The following PDE1C variants were observed in gnomAD, a reference collection of about 807,000 sequenced individuals.
PDE1C encodes phosphodiesterase 1C, also known as dual specificity calcium/calmodulin-dependent 3',5'-cyclic nucleotide phosphodiesterase 1C.
PDE1C carries 62 observed loss-of-function variants against 93.1 expected under a neutral mutation model. That is an observed-to-expected ratio of 0.67 (90% confidence interval 0.54 to 0.82). The LOEUF (loss-of-function observed/expected upper bound fraction) is 0.82. Ranked by LOEUF, PDE1C falls within the 40% of genes least tolerant of loss-of-function variation. The pLI is 0.00. For synonymous variants in PDE1C, 325 were observed against 310.1 expected (o/e 1.05, Z -0.50); for missense variants, 742 against 884.6 (o/e 0.84, Z 2.04).
At chr7:32,416,809 C>A (rs1562714758) in intron 1 of PDE1C, among the ~76,000 whole-genome samples, 1 of 152,122 alleles carries the variant, frequency 6.6e-6, no homozygotes, top group Non-Finnish European at 1.5e-5. Flanking sequence ...TTAAAACACA[C>A]TTCTCTAAAT....
the PDE1C span, among the ~76,000 whole-genome samples, chr7:31,732,836 A>T: frequency 6.6e-6 from 1 of 152,168 alleles, no homozygotes; most frequent in African/African-American, 2.4e-5. Context: ...ATTTCTTGAC[A>T]GTTGTCCTTG....
At chr7:31,635,715 G>A in the PDE1C span, among the ~76,000 whole-genome samples, 13 of 152,076 alleles carry the variant, frequency 8.5e-5, no homozygotes, top group Non-Finnish European at 1.9e-4. Context: ...ATGAAGAAAA[G>A]AGGTTTAAAT....
chr7:31,870,691 T>C (rs1795838825), intron 6 of PDE1C, among the ~76,000 whole-genome samples: 1 of 151,936 alleles, frequency 6.6e-6, no homozygotes, highest in Admixed American at 6.6e-5. Flanking sequence ...AGGACTAACA[T>C]CAGTTCTCCT....
At chr7:32,015,833 A>G (rs1168840091) in intron 2 of PDE1C, among the ~76,000 whole-genome samples, 1 of 152,208 alleles carries the variant, frequency 6.6e-6, no homozygotes, top group African/African-American at 2.4e-5. Context: ...AAGAAAGATT[A>G]TAATAATCAT....
chr7:31,873,345 T>C lies in PDE1C; in HGVS notation c.556A>G (p.Lys186Glu). Reference protein sequence around the residue: ...LNEASGDHALKFIFYELLTRY... With the variant: ...LNEASGDHALEFIFYELLTRY... The stretch of plus-strand genomic sequence containing the variant: ...GTGAGTAGTTCATAGAAAATAAATT[T>C]CAGTGCATGATCCCCACTGGCCTCA... The change falls in exon 6 of 18, where the codon AAA becomes GAA. Residue 186 changes from lysine (K) to glutamate (E), a missense_variant. This residue lies in a region of PDE1C where 205 missense variants were observed against 295.3 expected (regional missense o/e 0.69). Transcript: ENST00000396191. 6.2e-7 allele frequency: 1 copy of C among 1,613,942 alleles called. No individual in the cohort carries two copies. Among genetic ancestry groups the C allele is most frequent in the Non-Finnish European group, 8.5e-7 (1 of 1,179,840 alleles).
At chr7:32,425,505 A>T (rs1785509126) in intron 1 of PDE1C, among the ~76,000 whole-genome samples, 1 of 151,974 alleles carries the variant, frequency 6.6e-6, no homozygotes, top group Non-Finnish European at 1.5e-5. Flanking sequence ...GATTGAAAAA[A>T]ATTCTTGTAT....
intron 1 of PDE1C, among the ~76,000 whole-genome samples, chr7:32,323,438 C>T (rs1350130926): frequency 6.6e-6 from 1 of 152,096 alleles, no homozygotes; most frequent in African/African-American, 2.4e-5. Flanking sequence ...GAAGTTCTTG[C>T]AGTGTGAATC....
intron 2 of PDE1C, among the ~76,000 whole-genome samples, chr7:32,035,780 CT>C (rs1172175132): frequency 6.6e-6 from 1 of 152,156 alleles, no homozygotes; most frequent in African/African-American, 2.4e-5. Context: ...TGAATCATCT[CT>C]GTCCAAGTGT....
At chr7:31,705,639 T>C in the PDE1C span, among the ~76,000 whole-genome samples, 1 of 152,222 alleles carries the variant, frequency 6.6e-6, no homozygotes, top group African/African-American at 2.4e-5. Flanking sequence ...TTTTCATTAA[T>C]TTACTGCTGT....
chr7:32,034,435 T>G (rs1378144956), intron 2 of PDE1C, among the ~76,000 whole-genome samples: 1 of 152,150 alleles, frequency 6.6e-6, no homozygotes, highest in Non-Finnish European at 1.5e-5. Flanking sequence ...GATGCCAATC[T>G]GGTGGATGGA....
the PDE1C span, among the ~76,000 whole-genome samples, chr7:31,685,909 C>T: frequency 4.6e-5 from 7 of 152,098 alleles, no homozygotes; most frequent in Non-Finnish European, 8.8e-5. Context: ...CCATTCTCTG[C>T]TTATCTGTTA....
At chr7:32,392,985 G>T (rs2059077872) in intron 1 of PDE1C, among the ~76,000 whole-genome samples, 2 of 132,344 alleles carry the variant, frequency 1.5e-5, no homozygotes, top group South Asian at 2.5e-4. Context: ...GGAGGCAGAG[G>T]TTGCAGAGAG....
At chr7:31,849,564 G>A (rs577759347) in intron 8 of PDE1C, among the ~76,000 whole-genome samples, 2 of 152,232 alleles carry the variant, frequency 1.3e-5, no homozygotes, top group East Asian at 3.9e-4. Flanking sequence ...CTTCTTTTGT[G>A]TATACTGTAA....
chr7:31,974,697 A>C (rs1201157963), intron 2 of PDE1C, among the ~76,000 whole-genome samples: 1 of 152,174 alleles, frequency 6.6e-6, no homozygotes, highest in Non-Finnish European at 1.5e-5. Flanking sequence ...CCTCACTCCT[A>C]GGGTTCTTGA....
At chr7:32,190,600 C>T (rs1222377918) in intron 2 of PDE1C, among the ~76,000 whole-genome samples, 1 of 152,172 alleles carries the variant, frequency 6.6e-6, no homozygotes, top group Non-Finnish European at 1.5e-5. Flanking sequence ...AGTGGATTTT[C>T]CCTCCTGGTT....
chr7:32,144,548 GA>G (rs1800718708), intron 3 of PDE1C, among the ~76,000 whole-genome samples: 2 of 152,192 alleles, frequency 1.3e-5, no homozygotes, highest in African/African-American at 4.8e-5. Flanking sequence ...ATCAACCTAT[GA>G]GCTGGAAGTA....
intron 3 of PDE1C, among the ~76,000 whole-genome samples, chr7:32,145,394 T>C (rs773966093): frequency 3.3e-5 from 5 of 152,164 alleles, no homozygotes; most frequent in Non-Finnish European, 7.4e-5. Context: ...CACACCCTTT[T>C]TCCCATTAGC....
intron 3 of PDE1C, among the ~76,000 whole-genome samples, chr7:32,146,856 C>T (rs1800867655): frequency 6.6e-6 from 1 of 151,608 alleles, no homozygotes; most frequent in South Asian, 2.1e-4. Flanking sequence ...GGATTCATAA[C>T]CAAGGGATAA....
intron 2 of PDE1C, among the ~76,000 whole-genome samples, chr7:32,170,982 A>C (rs1334764291): frequency 1.3e-5 from 2 of 152,082 alleles, no homozygotes; most frequent in Non-Finnish European, 2.9e-5. Flanking sequence ...AGTCATTCAA[A>C]CTAGCCAGTC....
Sources: allele counts gnomAD v4.1 joint callset (sites outside exome capture counted in the v4.1 genomes callset), GRCh38; gene constraint gnomAD v4.1.1; regional missense constraint gnomAD v4.1.1; transcripts MANE v1.5; gene names NCBI Gene and HGNC (gene_info 2026-07-23, HGNC 2026-07-21).